P2RY12: variants seen among roughly 807,000 people sequenced by gnomAD.
P2RY12 encodes P2Y purinoceptor 12.
Under a neutral mutation model 4.5 loss-of-function variants are expected in P2RY12, and 3 were observed. The observed-to-expected ratio is 0.67, with a 90% CI of 0.31 to 1.74. The LOEUF (loss-of-function observed/expected upper bound fraction) is 1.74. Among genes scored for constraint, P2RY12 ranks in the 40% most tolerant of loss-of-function variants. P2RY12 has a pLI of 0.09. For synonymous variants in P2RY12, 148 were observed against 154.1 expected (o/e 0.96, Z 0.29); for missense variants, 356 against 407.8 (o/e 0.87, Z 1.09).
rs558724232 is a variant in P2RY12 at position 151,366,667 on chromosome 3, A to G, written c.-180+18025T>C. On this transcript the variant is annotated intron_variant, in intron 1 of 2. Coordinates refer to ENST00000302632, the MANE Select transcript of P2RY12 (RefSeq NM_022788.5). Reference sequence around the variant, plus strand: ...ATCTCTTATGCATAGTTCTTTATACATCTTTACACCTGCCTCTCAGTTGAA... The same window carrying G: ...ATCTCTTATGCATAGTTCTTTATACGTCTTTACACCTGCCTCTCAGTTGAA... Among the ~76,000 whole-genome samples, 121 of 152,104 alleles carry G rather than the reference A, an allele frequency of 8.0e-4. 1 individual carries two copies. The highest frequency in any genetic ancestry group is 2.7e-3 in the African/African-American group (112 of 41,498).
In P2RY12 at chr3:151,377,205, C is replaced by T. The variant is rs1020835682; in HGVS notation, c.-180+7487G>A. The stretch of plus-strand genomic sequence containing the variant: ...TATTTTTGTCTGTTGTTTTATTGAA[C>T]TGTCATGAATTTTTCACAAGTAACG... On this transcript the variant is annotated intron_variant, in intron 1 of 2. Coordinates refer to ENST00000302632, the MANE Select transcript of P2RY12 (RefSeq NM_022788.5). 7 of 1,582,412 alleles carry T rather than the reference C, an allele frequency of 4.4e-6. No individual in the cohort carries two copies. In the Middle Eastern group the frequency reaches 5.0e-4, roughly 114 times the overall value.
intron 1 of P2RY12, among the ~76,000 whole-genome samples, chr3:151,349,037 A>T (rs1419937828): frequency 6.6e-6 from 1 of 152,250 alleles, no homozygotes; most frequent in African/African-American, 2.4e-5. Flanking sequence ...AAAAATATAC[A>T]TAGAGTAAGA....
chr3:151,382,274 C>T (rs1712515772), intron 1 of P2RY12, among the ~76,000 whole-genome samples: 1 of 152,068 alleles, frequency 6.6e-6, no homozygotes, highest in Admixed American at 6.6e-5. Context: ...TTCAGCAAGT[C>T]CCTAGAAATA....
chr3:151,380,354 T>C (rs981480028), intron 1 of P2RY12: 4 of 584,606 alleles, frequency 6.8e-6, no homozygotes, highest in African/African-American at 4.0e-5. Context: ...CCCAGCACTT[T>C]GGGAGGCGGA....
chr3:151,382,132 A>G (rs1295620668), intron 1 of P2RY12, among the ~76,000 whole-genome samples: 3 of 152,168 alleles, frequency 2.0e-5, no homozygotes, highest in African/African-American at 7.2e-5. Context: ...ATAAACTGAT[A>G]AAGCCACTTG....
chr3:151,367,437 C>A (rs965920976), intron 1 of P2RY12, among the ~76,000 whole-genome samples: 1 of 152,146 alleles, frequency 6.6e-6, no homozygotes, highest in Admixed American at 6.5e-5. Context: ...TTTCTTACAG[C>A]ATTGGAATGT....
At chr3:151,352,412 C>T (rs1753346065) in intron 1 of P2RY12, among the ~76,000 whole-genome samples, 1 of 152,106 alleles carries the variant, frequency 6.6e-6, no homozygotes, top group East Asian at 1.9e-4. Flanking sequence ...GTTCCTTAAC[C>T]AGAAAGCTGT....
intron 1 of P2RY12, among the ~76,000 whole-genome samples, chr3:151,347,665 A>T (rs113042762): frequency 1.4e-4 from 22 of 152,220 alleles, no homozygotes; most frequent in African/African-American, 5.1e-4. Context: ...ATGTTGAGTA[A>T]GGCAGTTCGG....
chr3:151,365,082 C>T, intron 1 of P2RY12: 2 of 1,614,080 alleles, frequency 1.2e-6, no homozygotes, highest in South Asian at 2.2e-5. Context: ...TATTGAGAAT[C>T]CCTCAGCCCG....
intron 1 of P2RY12, among the ~76,000 whole-genome samples, chr3:151,359,610 T>C (rs1754359430): frequency 6.6e-6 from 1 of 152,172 alleles, no homozygotes; most frequent in South Asian, 2.1e-4. Flanking sequence ...GAACTAGCTC[T>C]TTGCCTTTGA....
intron 1 of P2RY12, among the ~76,000 whole-genome samples, chr3:151,347,853 A>G (rs1752719140): frequency 6.6e-6 from 1 of 152,132 alleles, no homozygotes; most frequent in Non-Finnish European, 1.5e-5. Context: ...GAGGTTTAGA[A>G]AGGTTTATTA....
intron 1 of P2RY12, chr3:151,377,224 A>G: frequency 6.6e-7 from 1 of 1,517,064 alleles, no homozygotes. Context: ...ATTTTTCACA[A>G]GTAACGGTAA....
chr3:151,349,967 A>G, intron 1 of P2RY12: 1 of 1,182,632 alleles, frequency 8.5e-7, no homozygotes, highest in Non-Finnish European at 1.2e-6. Flanking sequence ...GCAAGCCAGC[A>G]TGGAGGTGCT....
chr3:151,384,062 A>G, intron 1 of P2RY12: 1 of 1,603,124 alleles, frequency 6.2e-7, no homozygotes, highest in Non-Finnish European at 8.5e-7. Flanking sequence ...TTAAGATGAA[A>G]ATAATTATTT....
chr3:151,357,666 A>G (rs558022592), intron 1 of P2RY12, among the ~76,000 whole-genome samples: 1 of 152,346 alleles, frequency 6.6e-6, no homozygotes, highest in South Asian at 2.1e-4. Flanking sequence ...AATGTTGGCC[A>G]GCATCCTGGC....
intron 1 of P2RY12, among the ~76,000 whole-genome samples, chr3:151,363,902 T>C (rs192033384): frequency 1.3e-5 from 2 of 152,158 alleles, no homozygotes; most frequent in African/African-American, 4.8e-5. Context: ...CTTAAAGCTA[T>C]TGACAGTGGC....
chr3:151,380,715 T>C (rs1031007535), intron 1 of P2RY12, among the ~76,000 whole-genome samples: 1 of 152,168 alleles, frequency 6.6e-6, no homozygotes, highest in Non-Finnish European at 1.5e-5. Context: ...TTAACAACTT[T>C]ATATTAATGA....
At chr3:151,380,036 C>A in intron 1 of P2RY12, 4 of 910,664 alleles carry the variant, frequency 4.4e-6, no homozygotes, top group Non-Finnish European at 5.0e-6. Flanking sequence ...AATAGTGAGG[C>A]AAAGAAATGA....
intron 1 of P2RY12, among the ~76,000 whole-genome samples, chr3:151,383,422 C>G (rs1217484261): frequency 6.6e-6 from 1 of 152,172 alleles, no homozygotes; most frequent in African/African-American, 2.4e-5. Context: ...CACAAAGATG[C>G]AGATAATTGG....
Sources: gnomAD v4.1 joint callset for allele counts (sites outside exome capture counted in the v4.1 genomes callset) on GRCh38, gnomAD v4.1.1 for gene constraint, MANE v1.5 for transcripts, NCBI Gene and HGNC (gene_info 2026-07-23, HGNC 2026-07-21) for gene names.